Variants in TENM3 observed in about 807,000 individuals in gnomAD.
The protein encoded by TENM3 is teneurin-3.
Under a neutral mutation model 255.1 loss-of-function variants are expected in TENM3, and 63 were observed. That is an observed-to-expected ratio of 0.25 (90% CI 0.20 to 0.30). The LOEUF (loss-of-function observed/expected upper bound fraction) is 0.30, where lower values mean the gene tolerates loss of function less well. Among genes scored for constraint, TENM3 ranks in the 10% least tolerant of loss-of-function variants. The pLI is 1.00. For synonymous variants in TENM3, 1,306 were observed against 1,322.3 expected, an observed-to-expected ratio of 0.99 and a Z score of 0.27; for missense variants, 2,929 against 3,461.1, an observed-to-expected ratio of 0.85 and a Z score of 3.86.
chr4:182,600,025 T>G (rs574602434), intron 3 of TENM3, among the ~76,000 whole-genome samples: 21 of 152,350 alleles, frequency 1.4e-4, no homozygotes, highest in African/African-American at 5.0e-4. Context: ...ACGTATTAGC[T>G]TTACGGAATT....
the TENM3 span, among the ~76,000 whole-genome samples, chr4:181,685,120 A>G: frequency 6.6e-6 from 1 of 151,990 alleles, no homozygotes; most frequent in Non-Finnish European, 1.5e-5. Flanking sequence ...AAAAGATGCC[A>G]GGAGTCAATT....
At chr4:182,211,556 C>T (rs1391336781) in intron 1 of TENM3, among the ~76,000 whole-genome samples, 1 of 152,126 alleles carries the variant, frequency 6.6e-6, no homozygotes, top group Non-Finnish European at 1.5e-5. Flanking sequence ...ATGTTAACCA[C>T]GTAAGACTTC....
At chr4:182,664,703 G>A (rs1754508114) in intron 6 of TENM3, among the ~76,000 whole-genome samples, 1 of 152,274 alleles carries the variant, frequency 6.6e-6, no homozygotes, top group Non-Finnish European at 1.5e-5. Context: ...ATGAATGATA[G>A]GAAAGCAAAA....
chr4:182,264,369 A>G (rs1478855977), intron 1 of TENM3, among the ~76,000 whole-genome samples: 3 of 152,208 alleles, frequency 2.0e-5, no homozygotes, highest in Non-Finnish European at 4.4e-5. Context: ...ACGTTGTTTT[A>G]TGTCCTTGGG....
the TENM3 span, among the ~76,000 whole-genome samples, chr4:181,984,550 A>G: frequency 6.6e-6 from 1 of 151,888 alleles, no homozygotes; most frequent in East Asian, 1.9e-4. Context: ...TTGTGTGTGT[A>G]TATGTGTTTC....
chr4:181,986,103 C>T, the TENM3 span, among the ~76,000 whole-genome samples: 15 of 152,066 alleles, frequency 9.9e-5, no homozygotes, highest in African/African-American at 3.6e-4. Context: ...TATTAACTGC[C>T]TAAAGCATTC....
intron 1 of TENM3, among the ~76,000 whole-genome samples, chr4:182,210,252 AT>A (rs1425993997): frequency 1.3e-5 from 2 of 152,046 alleles, no homozygotes; most frequent in Non-Finnish European, 2.9e-5. Context: ...CATGCTACAG[AT>A]TTCACTTCAC....
chr4:181,891,127 T>C, the TENM3 span, among the ~76,000 whole-genome samples: 1 of 152,256 alleles, frequency 6.6e-6, no homozygotes, highest in African/African-American at 2.4e-5. Context: ...TACTGGAACA[T>C]TAAGTAGGAC....
At chr4:182,351,863 T>A (rs1467509833) in intron 3 of TENM3, among the ~76,000 whole-genome samples, 1 of 152,202 alleles carries the variant, frequency 6.6e-6, no homozygotes, top group East Asian at 1.9e-4. Context: ...TCTAGTCCTA[T>A]GAGGTCAGGG....
At chr4:181,521,541 T>C in the TENM3 span, among the ~76,000 whole-genome samples, 1 of 152,220 alleles carries the variant, frequency 6.6e-6, no homozygotes, top group African/African-American at 2.4e-5. Context: ...TACTGAAGGA[T>C]ATAGACTGTC....
At chr4:182,028,064 GT>G in the TENM3 span, among the ~76,000 whole-genome samples, 2 of 152,100 alleles carry the variant, frequency 1.3e-5, no homozygotes, top group Non-Finnish European at 2.9e-5. Context: ...TTCTTTAAAT[GT>G]TTGGTAGAAT....
At chr4:181,787,162 C>T in the TENM3 span, among the ~76,000 whole-genome samples, 1 of 152,142 alleles carries the variant, frequency 6.6e-6, no homozygotes, top group African/African-American at 2.4e-5. Flanking sequence ...TGTTCCACCC[C>T]CTCTGGTTTG....
intron 4 of TENM3, among the ~76,000 whole-genome samples, chr4:182,603,765 T>TTTTATATATATATATATG (rs778280837): frequency 2.1e-5 from 2 of 95,504 alleles, no homozygotes; most frequent in African/African-American, 5.8e-5. Flanking sequence ...TGGCAATTAT[T>TTTTATATATATATATATG]TATATATATA....
chr4:181,497,525 G>A, the TENM3 span, among the ~76,000 whole-genome samples: 10 of 152,248 alleles, frequency 6.6e-5, no homozygotes, highest in Admixed American at 1.3e-4. Flanking sequence ...ACGTGTAATC[G>A]ATAAATCTTA....
the TENM3 span, among the ~76,000 whole-genome samples, chr4:181,872,364 G>A: frequency 2.8e-5 from 4 of 140,702 alleles, no homozygotes; most frequent in Non-Finnish European, 4.7e-5. Flanking sequence ...GTGCAGGTTC[G>A]TTACATAGGT....
At chr4:181,700,168 A>T in the TENM3 span, among the ~76,000 whole-genome samples, 1 of 152,154 alleles carries the variant, frequency 6.6e-6, no homozygotes, top group Non-Finnish European at 1.5e-5. Context: ...ATGCTCATGA[A>T]AATTGCCTCC....
At chr4:181,968,762 A>G in the TENM3 span, among the ~76,000 whole-genome samples, 16 of 152,298 alleles carry the variant, frequency 1.1e-4, no homozygotes, top group African/African-American at 3.6e-4. Context: ...CATTGTGGCT[A>G]TAGTTAACAA....
At chr4:182,487,333 G>A (rs17073381) in intron 3 of TENM3, among the ~76,000 whole-genome samples, 1,898 of 152,218 alleles carry the variant, frequency 0.012, 34 homozygotes, top group African/African-American at 0.044. Flanking sequence ...TCTCTTTATC[G>A]TTGAATTACT....
intron 12 of TENM3, among the ~76,000 whole-genome samples, chr4:182,697,468 C>G (rs1561124978): frequency 2.6e-5 from 4 of 152,200 alleles, no homozygotes. Context: ...TTCTGTGAAG[C>G]TTGCAGAACG....
Sources: allele counts gnomAD v4.1 joint callset (sites outside exome capture counted in the v4.1 genomes callset), GRCh38; gene constraint gnomAD v4.1.1; transcripts MANE v1.5; gene names NCBI Gene and HGNC (gene_info 2026-07-23, HGNC 2026-07-21).